Variants in CPAP observed in about 807,000 individuals in gnomAD.
The protein encoded by CPAP is centrosome assembly and centriole elongation protein.
At chr13:24,895,419 CA>C in the CPAP span, among the ~76,000 whole-genome samples, 76 of 151,252 alleles carry the variant, frequency 5.0e-4, 2 homozygotes, top group South Asian at 0.014. Context: ...ACTAAAAATA[CA>C]AAAAAAAATT....
chr13:24,900,644 A>G, the CPAP span, among the ~76,000 whole-genome samples: 1 of 152,030 alleles, frequency 6.6e-6, no homozygotes, highest in Non-Finnish European at 1.5e-5. Context: ...CTCCATCTCA[A>G]AAAAAAAGAG....
chr13:24,904,022 A>AT, the CPAP span: 1 of 1,613,986 alleles, frequency 6.2e-7, no homozygotes, highest in East Asian at 2.2e-5. Flanking sequence ...CAATTCAATA[A>AT]TTTTCTCTCT....
the CPAP span, among the ~76,000 whole-genome samples, chr13:24,921,898 C>T: frequency 6.6e-6 from 1 of 152,086 alleles, no homozygotes. Context: ...TTAATGTCAG[C>T]ATGAAGTATA....
the CPAP span, chr13:24,907,319 C>A: frequency 1.4e-6 from 1 of 721,618 alleles, no homozygotes. Flanking sequence ...CAGTGCCTCC[C>A]TTTGAGAACC....
the CPAP span, chr13:24,904,123 GC>G: frequency 6.4e-7 from 1 of 1,569,874 alleles, no homozygotes; most frequent in Non-Finnish European, 8.7e-7. Context: ...ACACTAGCTA[GC>G]TAGTAACACT....
chr13:24,898,102 G>T, the CPAP span, among the ~76,000 whole-genome samples: 1 of 152,106 alleles, frequency 6.6e-6, no homozygotes, highest in Non-Finnish European at 1.5e-5. Context: ...TGCCATGTTG[G>T]CCAGGCTGGT....
chr13:24,912,950 G>A, the CPAP span: 8 of 1,614,138 alleles, frequency 5.0e-6, no homozygotes, highest in South Asian at 3.3e-5. Context: ...ACCCCAGCCC[G>A]AGAAGGATTG....
the CPAP span, chr13:24,883,208 T>C: frequency 1.9e-6 from 3 of 1,614,080 alleles, no homozygotes; most frequent in Non-Finnish European, 2.5e-6. Flanking sequence ...CACATTACCC[T>C]CCTTGTCCTT....
At chr13:24,907,211 G>A in the CPAP span, 1 of 1,553,340 alleles carries the variant, frequency 6.4e-7, no homozygotes, top group Non-Finnish European at 8.9e-7. Context: ...GAAACAGAAA[G>A]TTATTTAACA....
At chr13:24,925,293 A>C in the CPAP span, among the ~76,000 whole-genome samples, 1 of 152,252 alleles carries the variant, frequency 6.6e-6, no homozygotes, top group South Asian at 2.1e-4. Flanking sequence ...AATTCTTTTA[A>C]TCAAAGTTGA....
At chr13:24,927,505 T>C in the CPAP span, among the ~76,000 whole-genome samples, 145 of 152,308 alleles carry the variant, frequency 9.5e-4, 4 homozygotes, top group East Asian at 0.019. Context: ...CCACAGGGGC[T>C]CCCTTCCCCC....
At chr13:24,888,998 T>C in the CPAP span, among the ~76,000 whole-genome samples, 1 of 152,182 alleles carries the variant, frequency 6.6e-6, no homozygotes, top group Non-Finnish European at 1.5e-5. Flanking sequence ...TTAATCCACA[T>C]TCAAAATGCT....
the CPAP span, chr13:24,886,102 C>T: frequency 1.5e-5 from 6 of 387,532 alleles, no homozygotes; most frequent in Middle Eastern, 8.9e-4. Context: ...ACATACTGTA[C>T]CAGCAACATA....
At chr13:24,912,550 A>G in the CPAP span, 2 of 1,557,884 alleles carry the variant, frequency 1.3e-6, no homozygotes, top group Admixed American at 1.7e-5. Context: ...CTGCAATGAC[A>G]TAAATTCACA....
chr13:24,884,161 C>CTAT, the CPAP span: 7 of 1,613,984 alleles, frequency 4.3e-6, no homozygotes, highest in Non-Finnish European at 5.9e-6. Context: ...AAGTTTGTAC[C>CTAT]TATTTGTCCA....
At chr13:24,884,150 C>G in the CPAP span, 1 of 1,613,856 alleles carries the variant, frequency 6.2e-7, no homozygotes, top group Non-Finnish European at 8.5e-7. Flanking sequence ...GAGGGTGGAG[C>G]AAGTTTGTAC....
chr13:24,919,022 A>G, the CPAP span, among the ~76,000 whole-genome samples: 1 of 149,874 alleles, frequency 6.7e-6, no homozygotes, highest in Non-Finnish European at 1.5e-5. Context: ...GCCTGGAAAG[A>G]AGGAGGGTGA....
the CPAP span, among the ~76,000 whole-genome samples, chr13:24,918,999 C>A: frequency 6.6e-6 from 1 of 150,788 alleles, no homozygotes; most frequent in East Asian, 1.9e-4. Context: ...TAACTTTGGC[C>A]AGTTATAAAA....
the CPAP span, among the ~76,000 whole-genome samples, chr13:24,916,779 C>T: frequency 6.6e-6 from 1 of 152,286 alleles, no homozygotes; most frequent in East Asian, 1.9e-4. Flanking sequence ...TTGCAATAAA[C>T]TGAAAGTAAA....
Sources: allele counts gnomAD v4.1 joint callset (sites outside exome capture counted in the v4.1 genomes callset), GRCh38; gene constraint gnomAD v4.1.1; transcripts MANE v1.5; gene names NCBI Gene and HGNC (gene_info 2026-07-23, HGNC 2026-07-21).